ATP8A2: variants seen among roughly 807,000 people sequenced by gnomAD.
ATP8A2 encodes the protein phospholipid-transporting ATPase IB.
In ATP8A2, 100 loss-of-function variants were observed where a neutral mutation model predicts 165.6. The ratio of observed to expected loss-of-function variants is 0.60; its 90% CI spans 0.51 to 0.71. The LOEUF (loss-of-function observed/expected upper bound fraction) is 0.71, where lower values mean the gene tolerates loss of function less well. ATP8A2 is among the 30% of genes least tolerant of loss of function. ATP8A2 has a pLI of 0.00. For synonymous variants in ATP8A2, 543 were observed against 548.8 expected (o/e 0.99, Z 0.15); for missense variants, 1,227 against 1,479.5 (o/e 0.83, Z 2.80).
intron 25 of ATP8A2, among the ~76,000 whole-genome samples, chr13:25,717,579 T>G (rs1399163431): frequency 2.6e-5 from 4 of 152,206 alleles, no homozygotes; most frequent in African/African-American, 9.7e-5. Context: ...TTCTTTTACT[T>G]TGTTGAGCTC....
At chr13:25,533,806 G>A (rs2038192596) in intron 6 of ATP8A2, among the ~76,000 whole-genome samples, 1 of 152,166 alleles carries the variant, frequency 6.6e-6, no homozygotes, top group Non-Finnish European at 1.5e-5. Context: ...GGTTTAGAGG[G>A]TTGAAGAATG....
chr13:25,445,841 C>T (rs1343656100), intron 1 of ATP8A2, among the ~76,000 whole-genome samples: 1 of 152,006 alleles, frequency 6.6e-6, no homozygotes, highest in African/African-American at 2.4e-5. Flanking sequence ...CAGATGAGAA[C>T]CCAGTGGTGG....
chr13:25,678,911 G>T (rs2042426663), intron 24 of ATP8A2, among the ~76,000 whole-genome samples: 1 of 152,164 alleles, frequency 6.6e-6, no homozygotes, highest in African/African-American at 2.4e-5. Context: ...AAAAATGCAA[G>T]TTATTTATAA....
intron 25 of ATP8A2, among the ~76,000 whole-genome samples, chr13:25,749,454 G>A (rs961902967): frequency 6.6e-6 from 1 of 152,158 alleles, no homozygotes; most frequent in Non-Finnish European, 1.5e-5. Flanking sequence ...GGGAGTTTGC[G>A]GTGCAGGTTT....
chr13:25,699,656 G>C lies in ATP8A2; in HGVS notation c.2384+311G>C, dbSNP rs2042910271. The stretch of plus-strand genomic sequence containing the variant: ...TCAAGCCCCTTTGAGAAATTACTGG[G>C]GTCCAACCTACTGCACATGTCTGAG... On this transcript the variant is annotated intron_variant, in intron 25 of 36. Coordinates refer to ENST00000381655, the MANE Select transcript of ATP8A2 (RefSeq NM_016529.6). Among the ~76,000 whole-genome samples the C allele has an allele frequency of 2.0e-5, 3 of 152,122 alleles. No homozygotes were observed. In the South Asian group the frequency reaches 6.2e-4, roughly 32 times the overall value.
At chr13:25,765,928 GT>G (rs566842861) in intron 25 of ATP8A2, among the ~76,000 whole-genome samples, 137 of 152,294 alleles carry the variant, frequency 9.0e-4, no homozygotes, top group African/African-American at 3.1e-3. Flanking sequence ...GCAGTGTGAA[GT>G]GGCCAAGCCT....
chr13:25,456,911 T>C (rs1463606636), intron 1 of ATP8A2, among the ~76,000 whole-genome samples: 1 of 152,100 alleles, frequency 6.6e-6, no homozygotes, highest in African/African-American at 2.4e-5. Flanking sequence ...CTGGGCCACA[T>C]TGGAAGGAGA....
At chr13:25,972,978 T>A (rs970481025) in intron 35 of ATP8A2, among the ~76,000 whole-genome samples, 1 of 152,214 alleles carries the variant, frequency 6.6e-6, no homozygotes, top group Non-Finnish European at 1.5e-5. Flanking sequence ...TTTTGAGTTA[T>A]GCATAGCCTG....
At chr13:25,402,483 T>G (rs2033668676) in intron 1 of ATP8A2, among the ~76,000 whole-genome samples, 1 of 152,206 alleles carries the variant, frequency 6.6e-6, no homozygotes, top group Non-Finnish European at 1.5e-5. Context: ...GCATCGTTTC[T>G]TTTCTTCTGT....
chr13:25,444,055 C>T (rs937710954), intron 1 of ATP8A2, among the ~76,000 whole-genome samples: 1 of 152,244 alleles, frequency 6.6e-6, no homozygotes, highest in African/African-American at 2.4e-5. Context: ...TTTACCCCTT[C>T]TAGGTTAGAT....
At chr13:25,938,513 G>A (rs1156261186) in intron 33 of ATP8A2, among the ~76,000 whole-genome samples, 1 of 152,184 alleles carries the variant, frequency 6.6e-6, no homozygotes, top group Non-Finnish European at 1.5e-5. Context: ...CGTCTGTGGT[G>A]TTAACTTTCA....
At chr13:25,698,252 GT>G in intron 24 of ATP8A2, among the ~76,000 whole-genome samples, 1 of 150,176 alleles carries the variant, frequency 6.7e-6, no homozygotes. Context: ...AAGAAACAGG[GT>G]CTCACTGTGT....
At position 25,797,748 on chromosome 13, in the gene ATP8A2, G is replaced by A. The variant is rs376916708; in HGVS notation, c.2679+22789G>A. Among the ~76,000 whole-genome samples, 111 of 152,206 alleles carry A rather than the reference G, an allele frequency of 7.3e-4. 1 individual carries two copies. The highest frequency in any genetic ancestry group is 3.1e-3 in the South Asian group (15 of 4,820). On this transcript the variant is annotated intron_variant, in intron 27 of 36. Coordinates refer to ENST00000381655, the MANE Select transcript of ATP8A2 (RefSeq NM_016529.6). ...TTAATGGGTGGAGTCTCCCAGGGCC[G>A]ATTAGCTGTTTGAATGCAAGTTTAT...
At chr13:25,449,158 C>G (rs905103151) in intron 1 of ATP8A2, among the ~76,000 whole-genome samples, 17 of 152,146 alleles carry the variant, frequency 1.1e-4, no homozygotes, top group African/African-American at 4.1e-4. Context: ...TCTTTTTGCT[C>G]TCCTTTGAGT....
intron 25 of ATP8A2, among the ~76,000 whole-genome samples, chr13:25,715,869 A>G (rs1015136385): frequency 7.2e-5 from 11 of 152,280 alleles, no homozygotes; most frequent in Admixed American, 5.2e-4. Flanking sequence ...ACCTTCTAAA[A>G]CAGAACTGCC....
At chr13:25,630,609 A>G (rs184441259) in intron 24 of ATP8A2, among the ~76,000 whole-genome samples, 2 of 152,334 alleles carry the variant, frequency 1.3e-5, no homozygotes, top group Admixed American at 1.3e-4. Flanking sequence ...ACTCCTATGA[A>G]TAGAAAGATC....
At chr13:25,603,027 G>T (rs1047111857) in intron 24 of ATP8A2, among the ~76,000 whole-genome samples, 8 of 152,066 alleles carry the variant, frequency 5.3e-5, no homozygotes, top group Admixed American at 4.6e-4. Context: ...AGCCGAGATC[G>T]TGCCACTGCA....
rs57382485 is a variant in ATP8A2 at position 25,539,060 on chromosome 13, A to AGTGTGTGT, written c.581+1032_581+1039dup. 9.2e-3 allele frequency among the ~76,000 whole-genome samples: 1,262 copies of AGTGTGTGT among 137,486 alleles called. 11 individuals carry two copies. The highest frequency in any genetic ancestry group is 0.02 in the African/African-American group (758 of 37,504). The allele number at this position is 137,486 out of a possible 152,430, so 90.2% of individuals were successfully genotyped here. On this transcript the variant is annotated intron_variant, in intron 7 of 36. Coordinates refer to ENST00000381655, the MANE Select transcript of ATP8A2 (RefSeq NM_016529.6). ...TCTTGGCTGTGACCTTAGAAAATTT[A>AGTGTGTGT]GTGTGTGTGTGTGTGTGTGTGTGTG...
At chr13:25,525,971 C>T (rs1358294438) in intron 2 of ATP8A2, among the ~76,000 whole-genome samples, 1 of 151,980 alleles carries the variant, frequency 6.6e-6, no homozygotes, top group Non-Finnish European at 1.5e-5. Flanking sequence ...TTTCCTTTAT[C>T]TTGTTGACAA....
Sources: allele counts gnomAD v4.1 joint callset (sites outside exome capture counted in the v4.1 genomes callset), GRCh38; gene constraint gnomAD v4.1.1; transcripts MANE v1.5; gene names NCBI Gene and HGNC (gene_info 2026-07-23, HGNC 2026-07-21).